Variants in CHRM3 observed in about 807,000 individuals in gnomAD.
CHRM3 encodes the protein muscarinic acetylcholine receptor M3.
In CHRM3, 11 loss-of-function variants were observed where a neutral mutation model predicts 41.8. That is an observed-to-expected ratio of 0.26 (90% CI 0.17 to 0.44). The LOEUF (loss-of-function observed/expected upper bound fraction) is 0.44, where lower values mean the gene tolerates loss of function less well. CHRM3 is among the 20% of genes least tolerant of loss of function. The probability of loss-of-function intolerance (pLI) is 1.00; values close to 1 mark genes in which losing one functional copy is unlikely to be tolerated. For synonymous variants in CHRM3, 297 were observed against 301.4 expected (o/e 0.99, Z 0.15); for missense variants, 571 against 745.4 (o/e 0.77, Z 2.72).
chr1:239,551,144 C>CTTTTTT (rs1157407521), intron 3 of CHRM3, among the ~76,000 whole-genome samples: 8 of 60,358 alleles, frequency 1.3e-4, no homozygotes, highest in East Asian at 5.8e-4. Context: ...TGTTACCATT[C>CTTTTTT]TTTTTTTTTT....
chr1:239,407,629 A>G (rs984359152), intron 1 of CHRM3, among the ~76,000 whole-genome samples: 1 of 152,094 alleles, frequency 6.6e-6, no homozygotes, highest in African/African-American at 2.4e-5. Context: ...AATCACCATT[A>G]ATGCTGTCAC....
At chr1:239,786,207 T>G (rs1316295587) in intron 5 of CHRM3, among the ~76,000 whole-genome samples, 1 of 152,134 alleles carries the variant, frequency 6.6e-6, no homozygotes, top group Non-Finnish European at 1.5e-5. Context: ...GCAGTCTGAT[T>G]TAATTTTATT....
intron 5 of CHRM3, among the ~76,000 whole-genome samples, chr1:239,716,752 T>A (rs1383298837): frequency 6.6e-6 from 1 of 151,962 alleles, no homozygotes; most frequent in Non-Finnish European, 1.5e-5. Context: ...ACCTAAACTT[T>A]AAAAAACCTT....
At chr1:239,878,601 ATT>A (rs75230997) in intron 6 of CHRM3, among the ~76,000 whole-genome samples, 4 of 146,654 alleles carry the variant, frequency 2.7e-5, no homozygotes, top group African/African-American at 1.0e-4. Context: ...AGTATTTTAA[ATT>A]TTTTTTTTTT....
intron 1 of CHRM3, among the ~76,000 whole-genome samples, chr1:239,400,778 T>G (rs1659901618): frequency 6.6e-6 from 1 of 152,204 alleles, no homozygotes; most frequent in African/African-American, 2.4e-5. Context: ...GATTTATTTT[T>G]GGGCTCTTTA....
intron 3 of CHRM3, among the ~76,000 whole-genome samples, chr1:239,607,494 C>T (rs373967935): frequency 6.6e-6 from 1 of 151,936 alleles, no homozygotes; most frequent in African/African-American, 2.4e-5. Flanking sequence ...AACGTGCTTA[C>T]GAGACTGAAA....
chr1:239,892,467 T>C (rs1678635484), intron 6 of CHRM3, among the ~76,000 whole-genome samples: 1 of 152,252 alleles, frequency 6.6e-6, no homozygotes. Flanking sequence ...ATTGTTTTAA[T>C]AAAATTGTTT....
intron 5 of CHRM3, among the ~76,000 whole-genome samples, chr1:239,682,671 C>T (rs557980030): frequency 6.6e-6 from 1 of 151,366 alleles, no homozygotes; most frequent in South Asian, 2.1e-4. Flanking sequence ...TAAATATGCC[C>T]TCTGTTTATT....
intron 1 of CHRM3, among the ~76,000 whole-genome samples, chr1:239,424,317 A>G (rs756889767): frequency 1.2e-4 from 18 of 151,536 alleles, no homozygotes; most frequent in Non-Finnish European, 1.9e-4. Flanking sequence ...GAACATAATC[A>G]TTCATTAATG....
At chr1:239,403,976 GGAGAGAGAGA>G (rs531556599) in intron 1 of CHRM3, among the ~76,000 whole-genome samples, 12 of 46,506 alleles carry the variant, frequency 2.6e-4, no homozygotes, top group South Asian at 1.9e-3. Flanking sequence ...AGAGGGAGGG[GGAGAGAGAGA>G]GAGAGAGAGA....
chr1:239,728,034 A>G (rs1217429890), intron 5 of CHRM3, among the ~76,000 whole-genome samples: 1 of 151,978 alleles, frequency 6.6e-6, no homozygotes, highest in South Asian at 2.1e-4. Flanking sequence ...TTTTCACACA[A>G]TGCTGGTAGG....
At chr1:239,567,974 C>G (rs1661504001) in intron 3 of CHRM3, among the ~76,000 whole-genome samples, 1 of 152,188 alleles carries the variant, frequency 6.6e-6, no homozygotes, top group Non-Finnish European at 1.5e-5. Context: ...TCCTACTAGG[C>G]TCTTCTCTGA....
rs1658648859 is a variant in CHRM3, at chr1:239,387,697, C to T, written c.-521+470C>T. Among the ~76,000 whole-genome samples the T allele has an allele frequency of 6.6e-6, 1 of 152,164 alleles. No individual in the cohort carries two copies. Among genetic ancestry groups the T allele is most frequent in the Non-Finnish European group, 1.5e-5 (1 of 68,040 alleles). On this transcript the variant is annotated intron_variant, in intron 1 of 6. Transcript: ENST00000676153. This position sits in a 1 kb window ranked among gnomAD's most constrained non-coding sequence, Gnocchi z 5.1. ...GTTGAGCGTTTGTCTCCCATCTCCC[C>T]ATTTGGTTTCCTGTCATTTCTAAGA...
intron 4 of CHRM3, among the ~76,000 whole-genome samples, chr1:239,659,551 T>G (rs1673010129): frequency 6.6e-6 from 1 of 152,194 alleles, no homozygotes; most frequent in Non-Finnish European, 1.5e-5. Flanking sequence ...ACCAAGTATT[T>G]GAGGTTATTG....
At chr1:239,693,207 G>A (rs1279428414) in intron 5 of CHRM3, among the ~76,000 whole-genome samples, 2 of 152,076 alleles carry the variant, frequency 1.3e-5, no homozygotes, top group African/African-American at 4.8e-5. Flanking sequence ...TGTTCATGAA[G>A]TTCTAGTAAT....
At chr1:239,533,753 AAAAAACCC>A (rs1657916184) in intron 2 of CHRM3, among the ~76,000 whole-genome samples, 1 of 150,542 alleles carries the variant, frequency 6.6e-6, no homozygotes, top group African/African-American at 2.4e-5. Flanking sequence ...AAAAAAAACA[AAAAAACCC>A]TTAAAAACCA....
chr1:239,494,552 A>T (rs1393156670), intron 2 of CHRM3, among the ~76,000 whole-genome samples: 1 of 151,796 alleles, frequency 6.6e-6, no homozygotes, highest in African/African-American at 2.4e-5. Context: ...TTTTTTGTTT[A>T]TTTTTTATGT....
At chr1:239,674,326 T>C (rs887439594) in intron 4 of CHRM3, among the ~76,000 whole-genome samples, 4 of 152,218 alleles carry the variant, frequency 2.6e-5, no homozygotes, top group African/African-American at 9.6e-5. Flanking sequence ...TTATTAGTTC[T>C]TTTTGCAAAT....
chr1:239,908,816 T>A lies in CHRM3; in HGVS notation c.1365T>A (p.Pro455=). ...TGGGTAAGAGCACGGCCACTCTACC[T>A]CTGTCCTTCAAGGAAGCCACTCTGG... ...SSVGKSTATL[P]LSFKEATLAK... is the part of the protein sequence containing the mutation. The change falls in exon 7 of 7, where the codon CCT becomes CCA. Residue 455 remains proline (P), a synonymous_variant. Coordinates refer to ENST00000676153, the MANE Select transcript of CHRM3 (RefSeq NM_001375978.1). This position sits in a 1 kb window ranked among gnomAD's most constrained non-coding sequence, Gnocchi z 7.2. The A allele has an allele frequency of 6.2e-7, 1 of 1,614,072 alleles. No homozygotes were observed. The highest frequency in any genetic ancestry group is 8.5e-7 in the Non-Finnish European group (1 of 1,180,026).
Sources: gnomAD v4.1 joint callset for allele counts (sites outside exome capture counted in the v4.1 genomes callset) on GRCh38, gnomAD v4.1.1 for gene constraint, Gnocchi (gnomAD v3.1) non-coding constraint, MANE v1.5 for transcripts, NCBI Gene and HGNC (gene_info 2026-07-23, HGNC 2026-07-21) for gene names.